SOX5: variants seen among roughly 807,000 people sequenced by gnomAD.
SOX5 encodes SRY-box transcription factor 5.
Under a neutral mutation model 92.0 loss-of-function variants are expected in SOX5, and 9 were observed. That is an observed-to-expected ratio of 0.10 (90% confidence interval 0.06 to 0.17). SOX5 has a LOEUF of 0.17. Among genes scored for constraint, SOX5 ranks in the 10% least tolerant of loss-of-function variants. The pLI, the probability that SOX5 is intolerant of heterozygous loss-of-function variation, is 1.00. For missense variants in SOX5, 642 were observed against 944.5 expected (o/e 0.68, Z 4.20); for synonymous variants, 344 against 336.3 (o/e 1.02, Z -0.25).
intron 3 of SOX5, among the ~76,000 whole-genome samples, chr12:23,760,645 C>G (rs1448084769): frequency 6.6e-6 from 1 of 152,036 alleles, no homozygotes; most frequent in Non-Finnish European, 1.5e-5. Flanking sequence ...ATTGTTACAA[C>G]AGCATCCTGC....
At chr12:23,840,283 A>T (rs2096496339) in intron 3 of SOX5, among the ~76,000 whole-genome samples, 1 of 152,162 alleles carries the variant, frequency 6.6e-6, no homozygotes, top group African/African-American at 2.4e-5. Context: ...GTAACAAAGT[A>T]TGTTTAAGAT....
chr12:23,769,688 G>A (rs997742039), intron 3 of SOX5, among the ~76,000 whole-genome samples: 54 of 152,030 alleles, frequency 3.6e-4, no homozygotes, highest in African/African-American at 1.3e-3. Context: ...GGTTAATAGG[G>A]GCCGGTCTAC....
At position 23,885,424 on chromosome 12, in the gene SOX5, G is replaced by A. The variant is rs143695941; in HGVS notation, c.270+10369C>T. ...TATCAGTTTGTAGTTTAGAGATATC[G>A]ACAAACAAGATTAATTGTTTTATCT... On this transcript the variant is annotated intron_variant, in intron 2 of 14. Transcript: ENST00000451604. Among the ~76,000 whole-genome samples the A allele has an allele frequency of 4.1e-3, 630 of 152,074 alleles. 8 individuals carry two copies. The highest frequency in any genetic ancestry group is 0.014 in the African/African-American group (585 of 41,514).
chr12:24,430,358 G>C (rs929921082), intron 1 of SOX5, among the ~76,000 whole-genome samples: 2 of 151,800 alleles, frequency 1.3e-5, no homozygotes, highest in South Asian at 4.2e-4. Context: ...AGACAAGAAG[G>C]CATGTTTTCA....
intron 1 of SOX5, among the ~76,000 whole-genome samples, chr12:24,546,309 A>AT (rs1177609646): frequency 2.0e-5 from 3 of 152,098 alleles, no homozygotes; most frequent in African/African-American, 7.2e-5. Context: ...CTAGTTTTCC[A>AT]TTTTTTGCTT....
At chr12:23,693,122 T>G (rs1381828734) in intron 6 of SOX5, among the ~76,000 whole-genome samples, 1 of 152,264 alleles carries the variant, frequency 6.6e-6, no homozygotes, top group Admixed American at 6.5e-5. Flanking sequence ...ATTATTTTAT[T>G]ATTGTTGTTG....
At chr12:24,167,162 T>C (rs377627564) in intron 4 of SOX5, among the ~76,000 whole-genome samples, 1 of 152,240 alleles carries the variant, frequency 6.6e-6, no homozygotes, top group East Asian at 1.9e-4. Flanking sequence ...TGTTACTTAT[T>C]TCCCAAATGA....
intron 1 of SOX5, among the ~76,000 whole-genome samples, chr12:24,412,845 C>A (rs1964362414): frequency 6.7e-6 from 1 of 148,272 alleles, no homozygotes; most frequent in Admixed American, 6.8e-5. Flanking sequence ...AGCTCCGCCT[C>A]CTGGGTTCAC....
At chr12:23,979,593 A>T (rs1380626291) in intron 4 of SOX5, among the ~76,000 whole-genome samples, 1 of 151,052 alleles carries the variant, frequency 6.6e-6, no homozygotes, top group African/African-American at 2.4e-5. Flanking sequence ...AAGAAAATGT[A>T]ATCTTACATC....
chr12:23,626,507 G>A (rs539816974), intron 8 of SOX5, among the ~76,000 whole-genome samples: 46 of 152,122 alleles, frequency 3.0e-4, no homozygotes, highest in African/African-American at 7.9e-4. Flanking sequence ...AGGTTCCAAA[G>A]CATTTCTTTC....
At chr12:23,596,758 A>T (rs1467262192) in intron 9 of SOX5, among the ~76,000 whole-genome samples, 1 of 152,222 alleles carries the variant, frequency 6.6e-6, no homozygotes, top group Non-Finnish European at 1.5e-5. Flanking sequence ...CTCTGACACA[A>T]TAATGACTTA....
chr12:24,261,719 T>C (rs939397047), intron 3 of SOX5, among the ~76,000 whole-genome samples: 1 of 152,228 alleles, frequency 6.6e-6, no homozygotes, highest in Non-Finnish European at 1.5e-5. Flanking sequence ...TACACGGTTT[T>C]TTCTGTCTCT....
chr12:24,198,493 T>C (rs1469140999), intron 4 of SOX5, among the ~76,000 whole-genome samples: 1 of 152,214 alleles, frequency 6.6e-6, no homozygotes, highest in Non-Finnish European at 1.5e-5. Flanking sequence ...AAATTCCATG[T>C]GAACTCACTG....
Position 23,744,120 on chromosome 12 carries a change from T to G in SOX5, c.569-3081A>C, listed in dbSNP as rs948783992. Among the ~76,000 whole-genome samples, 5 of 152,280 alleles carry G rather than the reference T, an allele frequency of 3.3e-5. No individual in the cohort carries two copies. The East Asian group carries it at 9.7e-4, about 29-fold the overall frequency. ...GATTTCATTCTATTTCAACTCCTAC[T>G]TAGCTAACCTTTTCTTCTCAATCTT... On this transcript the variant is annotated intron_variant, in intron 4 of 14. Transcript: ENST00000451604.
At chr12:24,180,783 A>G (rs1445420963) in intron 4 of SOX5, among the ~76,000 whole-genome samples, 1 of 152,202 alleles carries the variant, frequency 6.6e-6, no homozygotes, top group Non-Finnish European at 1.5e-5. Flanking sequence ...TCAGTTTCAC[A>G]TCATACATGC....
At chr12:24,428,849 G>A (rs373442338) in intron 1 of SOX5, among the ~76,000 whole-genome samples, 1 of 149,960 alleles carries the variant, frequency 6.7e-6, no homozygotes, top group Non-Finnish European at 1.5e-5. Context: ...ATAGTGAGCC[G>A]GTTAATGGAT....
intron 11 of SOX5, among the ~76,000 whole-genome samples, chr12:23,548,652 A>T (rs142025541): frequency 6.1e-4 from 92 of 151,210 alleles, no homozygotes; most frequent in African/African-American, 1.8e-3. Context: ...CATTTTTTTT[A>T]AAAAAAGTGT....
At position 23,970,841 on chromosome 12, in the gene SOX5, A is replaced by ATATATATTTTTTT; in HGVS notation, c.-1-74818_-1-74817insAAAAAAATATATA. Among the ~76,000 whole-genome samples the ATATATATTTTTTT allele has an allele frequency of 7.3e-4, 16 of 21,880 alleles. 1 individual carries two copies. The highest frequency in any genetic ancestry group is 1.7e-3 in the East Asian group (2 of 1,154). The allele number at this position is 21,880 out of a possible 152,430, so 14.4% of individuals were successfully genotyped here. A position where few individuals can be genotyped will look rare whatever the true frequency, so the allele number is the denominator to read the frequency against. On this transcript the variant is annotated intron_variant, in intron 4 of 4. Transcript: ENST00000446891. ...ACATGGGACTTTATATATATATATA[A>ATATATATTTTTTT]TTTTTTTTTTTTTTTAAGAAATGGG...
At chr12:24,470,084 G>A (rs1002891356) in intron 1 of SOX5, among the ~76,000 whole-genome samples, 1 of 152,168 alleles carries the variant, frequency 6.6e-6, no homozygotes, top group Non-Finnish European at 1.5e-5. Flanking sequence ...AACTGTACGT[G>A]AATAATCTTA....
Sources: allele counts gnomAD v4.1 joint callset (sites outside exome capture counted in the v4.1 genomes callset), GRCh38; gene constraint gnomAD v4.1.1; transcripts MANE v1.5; gene names NCBI Gene and HGNC (gene_info 2026-07-23, HGNC 2026-07-21).